Variants in NKAIN2 observed in about 807,000 individuals in gnomAD.
NKAIN2 encodes sodium/potassium-transporting ATPase subunit beta-1-interacting protein 2.
In NKAIN2, 14 loss-of-function variants were observed where a neutral mutation model predicts 32.6. The ratio of observed to expected loss-of-function variants is 0.43; its 90% CI spans 0.28 to 0.67. The LOEUF is 0.67. Among genes scored for constraint, NKAIN2 ranks in the 30% least tolerant of loss-of-function variants. The pLI is 0.17. For missense variants in NKAIN2, 198 were observed against 258.3 expected (o/e 0.77, Z 1.60); for synonymous variants, 80 against 87.2 (o/e 0.92, Z 0.46).
At chr6:123,885,008 A>T (rs980006258) in intron 1 of NKAIN2, among the ~76,000 whole-genome samples, 2 of 152,146 alleles carry the variant, frequency 1.3e-5, no homozygotes, top group Non-Finnish European at 2.9e-5. Flanking sequence ...GGCAGTTTTA[A>T]CCTATTAAAT....
At chr6:124,210,645 T>C (rs894081327) in intron 1 of NKAIN2, among the ~76,000 whole-genome samples, 2 of 151,894 alleles carry the variant, frequency 1.3e-5, no homozygotes, top group African/African-American at 2.4e-5. Flanking sequence ...CTTTTACTAC[T>C]TTGGTTAAGT....
chr6:123,936,099 G>A (rs967354412), intron 1 of NKAIN2, among the ~76,000 whole-genome samples: 5 of 152,142 alleles, frequency 3.3e-5, no homozygotes, highest in African/African-American at 4.8e-5. Context: ...CACTAAAAGC[G>A]CCACTTTAAT....
At chr6:124,718,223 G>A (rs935835911) in intron 4 of NKAIN2, among the ~76,000 whole-genome samples, 11 of 152,032 alleles carry the variant, frequency 7.2e-5, no homozygotes, top group Middle Eastern at 3.4e-3. Flanking sequence ...GTACCCATTC[G>A]CCATCTCTCC....
At chr6:124,564,655 G>A (rs1282788588) in intron 3 of NKAIN2, among the ~76,000 whole-genome samples, 1 of 152,166 alleles carries the variant, frequency 6.6e-6, no homozygotes, top group Non-Finnish European at 1.5e-5. Flanking sequence ...CATTCTTGAA[G>A]TCAGCAAGAC....
intron 1 of NKAIN2, among the ~76,000 whole-genome samples, chr6:124,203,160 A>T (rs1790674415): frequency 6.6e-6 from 1 of 151,898 alleles, no homozygotes; most frequent in Non-Finnish European, 1.5e-5. Context: ...GAATGTTGTC[A>T]TTAGAATTGT....
chr6:124,285,690 G>A (rs150037432), intron 2 of NKAIN2, among the ~76,000 whole-genome samples: 22 of 152,186 alleles, frequency 1.4e-4, no homozygotes, highest in African/African-American at 5.3e-4. Flanking sequence ...CCCTTGAACA[G>A]TGTGAGGATT....
intron 1 of NKAIN2, among the ~76,000 whole-genome samples, chr6:124,070,412 C>A (rs1160182436): frequency 1.3e-5 from 2 of 152,110 alleles, no homozygotes; most frequent in Admixed American, 1.3e-4. Flanking sequence ...CAGTTAAATT[C>A]TTCCTTCTGC....
intron 3 of NKAIN2, among the ~76,000 whole-genome samples, chr6:124,373,271 T>A (rs1799846527): frequency 6.6e-6 from 1 of 152,078 alleles, no homozygotes; most frequent in Non-Finnish European, 1.5e-5. Flanking sequence ...CATCTAGGTT[T>A]GTAGTCTGAG....
chr6:124,524,498 A>C (rs1779239041), intron 3 of NKAIN2, among the ~76,000 whole-genome samples: 1 of 152,148 alleles, frequency 6.6e-6, no homozygotes, highest in Non-Finnish European at 1.5e-5. Flanking sequence ...CTTTTTATTT[A>C]ATTTTTACCA....
chr6:124,223,238 A>G (rs914417204), intron 1 of NKAIN2, among the ~76,000 whole-genome samples: 6 of 144,052 alleles, frequency 4.2e-5, no homozygotes, highest in African/African-American at 1.5e-4. Flanking sequence ...AAAAAAAAAA[A>G]GTGGAAGAGA....
intron 1 of NKAIN2, among the ~76,000 whole-genome samples, chr6:124,123,407 G>A (rs1019945808): frequency 5.9e-5 from 9 of 152,070 alleles, no homozygotes; most frequent in Non-Finnish European, 1.0e-4. Context: ...ATTCCAAAAT[G>A]TAAAGAGTAG....
rs568129060 is a variant in NKAIN2 at position 124,178,630 on chromosome 6, T to C, written c.55-104375T>C. Among the ~76,000 whole-genome samples, 8 of 152,290 alleles carry C rather than the reference T, an allele frequency of 5.3e-5. No individual in the cohort carries two copies. In the South Asian group the frequency reaches 6.2e-4, roughly 12 times the overall value. On this transcript the variant is annotated intron_variant, in intron 1 of 6. Coordinates refer to ENST00000368417, the MANE Select transcript of NKAIN2 (RefSeq NM_001040214.3). ...TTAACTTTTAATGATCACATAATCC[T>C]AATTAAGATATGCAGATAATATTAA...
intron 3 of NKAIN2, among the ~76,000 whole-genome samples, chr6:124,621,014 T>C (rs1263008790): frequency 6.6e-6 from 1 of 152,236 alleles, no homozygotes; most frequent in Non-Finnish European, 1.5e-5. Flanking sequence ...GTTTGTGTGT[T>C]AGTCCTAAAC....
At chr6:124,229,564 G>A (rs1253190964) in intron 1 of NKAIN2, among the ~76,000 whole-genome samples, 1 of 134,232 alleles carries the variant, frequency 7.4e-6, no homozygotes, top group Non-Finnish European at 1.7e-5. Flanking sequence ...AGACAGACAG[G>A]GTTTGGCTCT....
At chr6:124,047,282 G>A (rs1424135141) in intron 1 of NKAIN2, among the ~76,000 whole-genome samples, 1 of 151,880 alleles carries the variant, frequency 6.6e-6, no homozygotes, top group East Asian at 1.9e-4. Context: ...CTAAAAACAG[G>A]TTGTATTTGC....
chr6:124,533,165 G>C (rs1219475919), intron 3 of NKAIN2, among the ~76,000 whole-genome samples: 1 of 151,918 alleles, frequency 6.6e-6, no homozygotes, highest in Non-Finnish European at 1.5e-5. Flanking sequence ...CGTTTACTTG[G>C]TGTGTCTGTG....
chr6:124,362,530 A>G (rs1164316395), intron 3 of NKAIN2, among the ~76,000 whole-genome samples: 1 of 152,048 alleles, frequency 6.6e-6, no homozygotes, highest in Non-Finnish European at 1.5e-5. Context: ...AACCTTTCTT[A>G]TTCTCTGTCT....
At chr6:124,707,861 G>C (rs957577630) in intron 4 of NKAIN2, among the ~76,000 whole-genome samples, 1 of 152,144 alleles carries the variant, frequency 6.6e-6, no homozygotes, top group South Asian at 2.1e-4. Flanking sequence ...TCCCATCTGT[G>C]AATTTTGTCT....
chr6:124,757,141 A>G (rs935317652), intron 4 of NKAIN2, among the ~76,000 whole-genome samples: 1 of 152,152 alleles, frequency 6.6e-6, no homozygotes, highest in African/African-American at 2.4e-5. Context: ...CTCTGCTGCT[A>G]TTAAACTGAA....
Sources: allele counts gnomAD v4.1 joint callset (sites outside exome capture counted in the v4.1 genomes callset), GRCh38; gene constraint gnomAD v4.1.1; transcripts MANE v1.5; gene names NCBI Gene and HGNC (gene_info 2026-07-23, HGNC 2026-07-21).